The following DTNA variants were observed in gnomAD, a reference collection of about 807,000 sequenced individuals.
The protein encoded by DTNA is dystrobrevin alpha.
Under a neutral mutation model 100.7 loss-of-function variants are expected in DTNA, and 43 were observed. The observed-to-expected ratio is 0.43, with a 90% confidence interval of 0.33 to 0.55. The LOEUF is 0.55. Among genes scored for constraint, DTNA ranks in the 20% least tolerant of loss-of-function variants. DTNA has a pLI of 0.04. For synonymous variants in DTNA, 349 were observed against 347.9 expected (o/e 1.00, Z -0.04); for missense variants, 798 against 953.9 (o/e 0.84, Z 2.15).
At chr18:34,566,977 G>A (rs1046407809) in intron 1 of DTNA, among the ~76,000 whole-genome samples, 2 of 152,158 alleles carry the variant, frequency 1.3e-5, no homozygotes, top group South Asian at 2.1e-4. Context: ...TACCCGGATC[G>A]CTGTAATCTC....
intron 1 of DTNA, among the ~76,000 whole-genome samples, chr18:34,563,372 A>G (rs949100775): frequency 1.3e-5 from 2 of 152,218 alleles, no homozygotes; most frequent in Admixed American, 1.3e-4. Context: ...TTTCAGAAGG[A>G]ACCAACCCTG....
intron 11 of DTNA, among the ~76,000 whole-genome samples, chr18:34,836,650 A>G (rs1411195560): frequency 6.6e-6 from 1 of 150,382 alleles, no homozygotes; most frequent in African/African-American, 2.4e-5. Context: ...TCTGTCTCAA[A>G]AAAAAAAAAA....
intron 1 of DTNA, among the ~76,000 whole-genome samples, chr18:34,677,389 C>A (rs1330778311): frequency 1.3e-5 from 2 of 152,018 alleles, no homozygotes; most frequent in African/African-American, 4.8e-5. Flanking sequence ...GTCATCCTTC[C>A]CAAAATTGTC....
chr18:34,753,370 TTTTTTTTTTTTTATTTTTTA>T lies in DTNA; in HGVS notation c.-1-2595_-1-2576del, dbSNP rs1568412751. ...ATTTATTTATTTATTTATTTTATTTTTTTTTTTTTTTTATTTTTTATTTTTTTTTTGAGACGGAGTCTCGC... is the reference window on the plus strand; with the variant it reads ...ATTTATTTATTTATTTATTTTATTTTTTTTTTTTTTGAGACGGAGTCTCGC... On this transcript the variant is annotated intron_variant, in intron 1 of 22. Coordinates refer to ENST00000444659, the MANE Select transcript of DTNA (RefSeq NM_001386795.1). Among the ~76,000 whole-genome samples, 435 of 93,034 alleles carry T rather than the reference TTTTTTTTTTTTTATTTTTTA, an allele frequency of 4.7e-3. 25 individuals carry two copies. The highest frequency in any genetic ancestry group is 0.043 in the East Asian group (187 of 4,356). The allele number at this position is 93,034 out of a possible 152,430, so 61.0% of individuals were successfully genotyped here.
intron 1 of DTNA, among the ~76,000 whole-genome samples, chr18:34,611,432 T>C (rs2054187783): frequency 2.0e-5 from 3 of 152,230 alleles, no homozygotes; most frequent in Admixed American, 2.0e-4. Flanking sequence ...CTATAAATCT[T>C]TATTCATATG....
At chr18:34,650,286 T>C (rs1241974648) in intron 1 of DTNA, among the ~76,000 whole-genome samples, 1 of 152,036 alleles carries the variant, frequency 6.6e-6, no homozygotes, top group East Asian at 1.9e-4. Flanking sequence ...AAATAAGAAC[T>C]ACAAGCAGAA....
intron 1 of DTNA, among the ~76,000 whole-genome samples, chr18:34,673,882 A>G (rs1185371766): frequency 6.6e-6 from 1 of 152,172 alleles, no homozygotes; most frequent in South Asian, 2.1e-4. Flanking sequence ...ACTATCTTAT[A>G]CTTCTCAAAT....
chr18:34,659,212 A>G (rs1208931647), intron 1 of DTNA, among the ~76,000 whole-genome samples: 1 of 152,230 alleles, frequency 6.6e-6, no homozygotes, highest in Non-Finnish European at 1.5e-5. Flanking sequence ...TAAATTTTCT[A>G]GTAGCCACAT....
intron 1 of DTNA, among the ~76,000 whole-genome samples, chr18:34,500,427 G>A (rs186237255): frequency 6.0e-5 from 9 of 149,574 alleles, no homozygotes; most frequent in Non-Finnish European, 1.3e-4. Flanking sequence ...TTAATTCTAT[G>A]TGTGTGTGTG....
At chr18:34,791,548 G>C (rs1479755510) in intron 3 of DTNA, among the ~76,000 whole-genome samples, 1 of 152,128 alleles carries the variant, frequency 6.6e-6, no homozygotes, top group African/African-American at 2.4e-5. Context: ...CCATTTCCCT[G>C]GGAGTGTTTT....
rs369152154 is a variant in DTNA at position 34,653,492 on chromosome 18, GA to G, written c.-1-102474del. Among the ~76,000 whole-genome samples the G allele has an allele frequency of 1.8e-3, 257 of 146,082 alleles. 2 individuals carry two copies. In the East Asian group the frequency reaches 0.018, roughly 10 times the overall value. On this transcript the variant is annotated intron_variant, in intron 1 of 19. Coordinates refer to the DTNA transcript ENST00000283365. ...ATCATTTATGTGATTGAAAGAACAAGAAAAAAAAAACACTTAACACTAAAGA... is the reference window on the plus strand; with the variant it reads ...ATCATTTATGTGATTGAAAGAACAAGAAAAAAAAACACTTAACACTAAAGA...
intron 1 of DTNA, among the ~76,000 whole-genome samples, chr18:34,621,505 G>T (rs1490856904): frequency 6.6e-6 from 1 of 152,052 alleles, no homozygotes; most frequent in Non-Finnish European, 1.5e-5. Context: ...TAAAAGAGAA[G>T]AAAATTCTGT....
At chr18:34,733,113 C>T (rs1412502581) in intron 1 of DTNA, among the ~76,000 whole-genome samples, 4 of 152,160 alleles carry the variant, frequency 2.6e-5, no homozygotes, top group African/African-American at 9.7e-5. Flanking sequence ...CACAGTTACC[C>T]TGGTTAAAGG....
At chr18:34,497,891 T>G (rs1259191633) in intron 1 of DTNA, among the ~76,000 whole-genome samples, 2 of 152,194 alleles carry the variant, frequency 1.3e-5, no homozygotes, top group Non-Finnish European at 2.9e-5. Context: ...CTATTAAAAT[T>G]TTTAAAATCA....
At position 34,879,695 on chromosome 18, in the gene DTNA, C is replaced by A; in HGVS notation, c.2138C>A (p.Thr713Asn). The change falls in exon 20 of 23, where the codon ACC becomes AAC. Residue 713 changes from threonine to asparagine, a missense_variant. This residue lies in a region of DTNA where 242 missense variants were observed against 238.2 expected (regional missense o/e 1.02). Coordinates refer to ENST00000444659, the MANE Select transcript of DTNA (RefSeq NM_001386795.1). ...CCTGGGTACATTCACAGTGGAGCTA[C>A]CACAAGTACCATGCGTGGCGACATG... ...RKPGYIHSGATTSTMRGDMVT... is the reference protein window; with the variant it reads ...RKPGYIHSGANTSTMRGDMVT... 6.2e-7 allele frequency: 1 copy of A among 1,614,020 alleles called. No individual in the cohort carries two copies. The highest frequency in any genetic ancestry group is 8.5e-7 in the Non-Finnish European group (1 of 1,179,970).
chr18:34,793,208 G>A (rs1160375220), intron 3 of DTNA, among the ~76,000 whole-genome samples: 1 of 152,104 alleles, frequency 6.6e-6, no homozygotes, highest in Non-Finnish European at 1.5e-5. Context: ...GATTGCAGAG[G>A]AGCATGAGAA....
intron 9 of DTNA, among the ~76,000 whole-genome samples, chr18:34,826,857 G>A (rs2095869962): frequency 6.6e-6 from 1 of 152,144 alleles, no homozygotes; most frequent in African/African-American, 2.4e-5. Flanking sequence ...GGGAAAGAAT[G>A]ACAGAATGAA....
At chr18:34,821,779 T>C (rs1224174525) in intron 9 of DTNA, among the ~76,000 whole-genome samples, 5 of 152,192 alleles carry the variant, frequency 3.3e-5, no homozygotes, top group Non-Finnish European at 7.3e-5. Flanking sequence ...TGTGTTTGCA[T>C]GTTGACATCA....
chr18:34,707,826 T>C (rs1600554518), upstream of DTNA, among the ~76,000 whole-genome samples: 1 of 152,196 alleles, frequency 6.6e-6, no homozygotes, highest in Non-Finnish European at 1.5e-5. Flanking sequence ...AATTTTCCGG[T>C]GTAGCTGCTC....
Sources: allele counts gnomAD v4.1 joint callset (sites outside exome capture counted in the v4.1 genomes callset), GRCh38; gene constraint gnomAD v4.1.1; regional missense constraint gnomAD v4.1.1; transcripts MANE v1.5; gene names NCBI Gene and HGNC (gene_info 2026-07-23, HGNC 2026-07-21).